Variants in TMC7 observed in about 807,000 individuals in gnomAD.
TMC7 encodes the protein transmembrane channel like 7.
A neutral mutation model predicts 82.9 loss-of-function variants in TMC7; 54 were observed. That is an observed-to-expected ratio of 0.65 (90% CI 0.52 to 0.82). The LOEUF (loss-of-function observed/expected upper bound fraction) is 0.82, where lower values mean the gene tolerates loss of function less well. Among genes scored for constraint, TMC7 ranks in the 40% least tolerant of loss-of-function variants. The pLI is 0.00. For missense variants in TMC7, 820 were observed against 901.2 expected (o/e 0.91, Z 1.15); for synonymous variants, 350 against 337.9 (o/e 1.04, Z -0.39).
intron 1 of TMC7, among the ~76,000 whole-genome samples, chr16:18,986,645 C>G (rs959659250): frequency 6.6e-6 from 1 of 152,076 alleles, no homozygotes; most frequent in African/African-American, 2.4e-5. Context: ...TCTGGTGATT[C>G]GACCCCAGCC....
intron 1 of TMC7, among the ~76,000 whole-genome samples, chr16:18,990,557 G>C (rs1380803502): frequency 6.6e-6 from 1 of 152,208 alleles, no homozygotes. Flanking sequence ...CCACCAAACA[G>C]GCTTTGCGTG....
intron 12 of TMC7, among the ~76,000 whole-genome samples, chr16:19,051,417 A>G (rs1453097319): frequency 1.1e-5 from 1 of 91,592 alleles, no homozygotes; most frequent in Non-Finnish European, 2.2e-5. Context: ...CCCACACCAC[A>G]ACAGTCCCCG....
chr16:19,038,041 GA>G lies in TMC7; in HGVS notation c.1178del (p.Lys393ArgfsTer21). Reference sequence around the variant, plus strand: ...CAACTGTCTTCTCGCAAGAGCACATGAAAAAGGTAAATTAACTTGTACTCTG... The same window carrying G: ...CAACTGTCTTCTCGCAAGAGCACATGAAAAGGTAAATTAACTTGTACTCTG... The part of the protein sequence containing the change: ...VATVFSQEHM[K>X]KEIDKMVFGE... On this transcript the variant is annotated frameshift_variant, in exon 8 of 16. Coordinates refer to ENST00000304381, the MANE Select transcript of TMC7 (RefSeq NM_024847.4). LOFTEE classifies it high-confidence loss of function. 6.2e-7 allele frequency: 1 copy of G among 1,612,304 alleles called. No individual in the cohort carries two copies. Among genetic ancestry groups the G allele is most frequent in the Admixed American group, 1.7e-5 (1 of 59,592 alleles).
At chr16:19,008,468 C>T (rs781745698) in intron 1 of TMC7, among the ~76,000 whole-genome samples, 2 of 152,164 alleles carry the variant, frequency 1.3e-5, no homozygotes, top group Middle Eastern at 3.2e-3. Flanking sequence ...TGGTCTGGAG[C>T]GGCCTCAGCT....
chr16:19,044,027 A>T (rs1961144304), intron 9 of TMC7, among the ~76,000 whole-genome samples: 1 of 151,360 alleles, frequency 6.6e-6, no homozygotes, highest in Non-Finnish European at 1.5e-5. Flanking sequence ...GTGCCACCAC[A>T]CCCAGCTAAT....
intron 14 of TMC7, 21 bp from the exon 15 acceptor site, chr16:19,059,395 C>A: frequency 1.9e-6 from 3 of 1,609,338 alleles, no homozygotes; most frequent in Non-Finnish European, 2.5e-6. Context: ...TCCCTTGTGA[C>A]CTGTCTGTCT....
intron 5 of TMC7, among the ~76,000 whole-genome samples, chr16:19,028,879 C>T (rs530350505): frequency 7.9e-5 from 12 of 151,798 alleles, no homozygotes; most frequent in African/African-American, 2.7e-4. Context: ...TGATCTTGAG[C>T]TCCTGACCTC....
At chr16:19,001,695 C>T (rs2039143874) in intron 1 of TMC7, among the ~76,000 whole-genome samples, 1 of 152,054 alleles carries the variant, frequency 6.6e-6, no homozygotes, top group African/African-American at 2.4e-5. Context: ...ACAAACAACA[C>T]AAAAAGGATG....
intron 13 of TMC7, among the ~76,000 whole-genome samples, chr16:19,053,973 G>T (rs554975552): frequency 1.3e-5 from 2 of 151,494 alleles, no homozygotes; most frequent in South Asian, 4.2e-4. Context: ...GTGAGCCACC[G>T]TGACTGGCCA....
intron 2 of TMC7, among the ~76,000 whole-genome samples, chr16:19,011,762 T>G (rs1959362803): frequency 6.6e-6 from 1 of 152,112 alleles, no homozygotes; most frequent in African/African-American, 2.4e-5. Flanking sequence ...GATGATACAC[T>G]GTACCTTGTA....
chr16:18,997,250 T>C lies in TMC7; in HGVS notation c.68-11922T>C, dbSNP rs557203543. On this transcript the variant is annotated intron_variant, in intron 1 of 15. Coordinates refer to ENST00000304381, the MANE Select transcript of TMC7 (RefSeq NM_024847.4). ...ACCAAACAGGCCATCTGGATGTATATGTGCAGGTCACTGGGGATACGATGG... is the reference window on the plus strand; with the variant it reads ...ACCAAACAGGCCATCTGGATGTATACGTGCAGGTCACTGGGGATACGATGG... 2.3e-3 allele frequency among the ~76,000 whole-genome samples: 354 copies of C among 152,348 alleles called. 1 individual carries two copies. The highest frequency in any genetic ancestry group is 8.1e-3 in the African/African-American group (337 of 41,586).
At chr16:19,043,289 A>G (rs1313710437) in intron 9 of TMC7, among the ~76,000 whole-genome samples, 1 of 152,124 alleles carries the variant, frequency 6.6e-6, no homozygotes, top group Non-Finnish European at 1.5e-5. Flanking sequence ...CGACCCTGAT[A>G]CAGAAAAGAT....
chr16:19,049,662 T>TG, intron 12 of TMC7: 1 of 985,284 alleles, frequency 1.0e-6, no homozygotes, highest in Non-Finnish European at 1.2e-6. Context: ...ACAGACACTG[T>TG]GGGGTGATGG....
At chr16:18,994,490 C>T (rs1163143173) in intron 1 of TMC7, among the ~76,000 whole-genome samples, 1 of 151,060 alleles carries the variant, frequency 6.6e-6, no homozygotes, top group Non-Finnish European at 1.5e-5. Flanking sequence ...CAGCCCTGTA[C>T]TTTGGCTGTG....
intron 1 of TMC7, among the ~76,000 whole-genome samples, chr16:18,986,230 C>T (rs948241139): frequency 3.3e-5 from 5 of 151,708 alleles, no homozygotes; most frequent in African/African-American, 1.2e-4. Flanking sequence ...CCTGTCTCTA[C>T]TAAAAACACA....
chr16:19,000,921 G>A (rs534909378), intron 1 of TMC7, among the ~76,000 whole-genome samples: 23 of 152,256 alleles, frequency 1.5e-4, no homozygotes, highest in African/African-American at 5.5e-4. Flanking sequence ...TTGGGAGGCT[G>A]AGGCCAGAGG....
chr16:19,018,423 G>A lies in TMC7; in HGVS notation c.460+1825G>A, dbSNP rs944761991. On this transcript the variant is annotated intron_variant, in intron 3 of 15. Transcript: ENST00000304381. ...TGTTCACGTAACCTTTGCTTTGAGTGTGCTCTGAGAAAGAGTGCAAACTCT... is the reference window on the plus strand; with the variant it reads ...TGTTCACGTAACCTTTGCTTTGAGTATGCTCTGAGAAAGAGTGCAAACTCT... 2.0e-5 allele frequency among the ~76,000 whole-genome samples: 3 copies of A among 152,154 alleles called. No homozygotes were observed. In the East Asian group the frequency reaches 5.8e-4, roughly 29 times the overall value.
At chr16:19,020,130 G>T (rs913178208) in intron 3 of TMC7, among the ~76,000 whole-genome samples, 1 of 152,194 alleles carries the variant, frequency 6.6e-6, no homozygotes, top group African/African-American at 2.4e-5. Context: ...TGCAGAAAAA[G>T]CTCTGATAAA....
At chr16:18,992,065 A>G (rs2038961820) in intron 1 of TMC7, among the ~76,000 whole-genome samples, 1 of 152,178 alleles carries the variant, frequency 6.6e-6, no homozygotes, top group Non-Finnish European at 1.5e-5. Context: ...ATACGTGTGC[A>G]TGTGTCTTTA....
Sources: gnomAD v4.1 joint callset for allele counts (sites outside exome capture counted in the v4.1 genomes callset) on GRCh38, gnomAD v4.1.1 for gene constraint, MANE v1.5 for transcripts, NCBI Gene and HGNC (gene_info 2026-07-23, HGNC 2026-07-21) for gene names.